Variants in PRKG1 observed in about 807,000 individuals in gnomAD.
PRKG1 encodes the protein cGMP-dependent protein kinase 1.
A neutral mutation model predicts 88.1 loss-of-function variants in PRKG1; 35 were observed. The observed-to-expected ratio is 0.40, with a 90% CI of 0.30 to 0.53. The LOEUF (loss-of-function observed/expected upper bound fraction) is 0.53, where lower values mean the gene tolerates loss of function less well. PRKG1 is among the 20% of genes least tolerant of loss of function. The pLI is 0.59. For missense variants in PRKG1, 540 were observed against 839.8 expected (o/e 0.64, Z 4.41); for synonymous variants, 303 against 292.5 (o/e 1.04, Z -0.37).
At chr10:52,034,517 T>C (rs1845555186) in intron 5 of PRKG1, among the ~76,000 whole-genome samples, 1 of 151,850 alleles carries the variant, frequency 6.6e-6, no homozygotes, top group Non-Finnish European at 1.5e-5. Flanking sequence ...GAAAAACAGG[T>C]ATAAAAGGTC....
At chr10:51,347,318 A>G (rs1260280402) in intron 2 of PRKG1, among the ~76,000 whole-genome samples, 3 of 152,214 alleles carry the variant, frequency 2.0e-5, no homozygotes, top group Admixed American at 6.5e-5. Context: ...TCTGAATACA[A>G]TTAGCATTCT....
chr10:51,766,852 T>C (rs1564638627), intron 3 of PRKG1, among the ~76,000 whole-genome samples: 1 of 152,052 alleles, frequency 6.6e-6, no homozygotes, highest in South Asian at 2.1e-4. Context: ...CACCACATAG[T>C]TTTTTACTTT....
chr10:51,840,885 A>G (rs1307306424), intron 4 of PRKG1, among the ~76,000 whole-genome samples: 2 of 152,188 alleles, frequency 1.3e-5, no homozygotes, highest in African/African-American at 2.4e-5. Flanking sequence ...TACAATGAAG[A>G]GTCTATAACA....
chr10:51,614,461 G>T lies in PRKG1; in HGVS notation c.592+146625G>T, dbSNP rs1008877751. On this transcript the variant is annotated intron_variant, in intron 3 of 17. Coordinates refer to ENST00000373980, the MANE Select transcript of PRKG1 (RefSeq NM_006258.4). ...AAATTAGCACAGGGTCAGTATTCAAGGATCATTTTTTTAAATGTATTCCGC... is the reference window on the plus strand; with the variant it reads ...AAATTAGCACAGGGTCAGTATTCAATGATCATTTTTTTAAATGTATTCCGC... Among the ~76,000 whole-genome samples, 4 of 151,726 alleles carry T rather than the reference G, an allele frequency of 2.6e-5. No individual in the cohort carries two copies. The East Asian group carries it at 7.7e-4, about 29-fold the overall frequency.
At chr10:51,931,055 G>C (rs558811853) in intron 5 of PRKG1, among the ~76,000 whole-genome samples, 2 of 152,234 alleles carry the variant, frequency 1.3e-5, no homozygotes, top group South Asian at 4.1e-4. Context: ...CTACTCCTCT[G>C]TAACATCGTA....
intron 3 of PRKG1, among the ~76,000 whole-genome samples, chr10:51,722,762 A>G (rs564597843): frequency 1.3e-5 from 2 of 152,248 alleles, no homozygotes; most frequent in Non-Finnish European, 2.9e-5. Flanking sequence ...TTAGAATTCT[A>G]TCTACATTTT....
At chr10:51,914,387 G>C (rs563674532) in intron 5 of PRKG1, among the ~76,000 whole-genome samples, 1 of 152,094 alleles carries the variant, frequency 6.6e-6, no homozygotes, top group African/African-American at 2.4e-5. Flanking sequence ...ATTCACAAAT[G>C]GGGGAGTAAA....
intron 2 of PRKG1, among the ~76,000 whole-genome samples, chr10:51,382,389 A>G (rs1167762556): frequency 6.6e-6 from 1 of 152,172 alleles, no homozygotes; most frequent in East Asian, 1.9e-4. Flanking sequence ...CCCATCTGTG[A>G]TTAAGTAAGG....
chr10:52,120,250 G>A (rs1049246236), intron 7 of PRKG1, among the ~76,000 whole-genome samples: 7 of 152,134 alleles, frequency 4.6e-5, no homozygotes, highest in Admixed American at 6.5e-5. Context: ...TGGAGATTAA[G>A]CTGCCAACAC....
At chr10:51,806,159 C>A (rs1181403077) in intron 4 of PRKG1, among the ~76,000 whole-genome samples, 2 of 152,112 alleles carry the variant, frequency 1.3e-5, no homozygotes, top group Non-Finnish European at 2.9e-5. Context: ...TCTAGTGCAG[C>A]TCTGATAAAG....
intron 2 of PRKG1, among the ~76,000 whole-genome samples, chr10:51,351,365 A>G (rs1336308994): frequency 6.6e-6 from 1 of 152,176 alleles, no homozygotes; most frequent in Non-Finnish European, 1.5e-5. Flanking sequence ...ACTAATTTAC[A>G]TTCTCACCAA....
intron 5 of PRKG1, among the ~76,000 whole-genome samples, chr10:51,914,695 C>G (rs1842299546): frequency 6.6e-6 from 1 of 152,142 alleles, no homozygotes; most frequent in Admixed American, 6.5e-5. Flanking sequence ...TTTTTAAGAA[C>G]TCTCTACCTT....
intron 3 of PRKG1, among the ~76,000 whole-genome samples, chr10:51,628,803 C>CA (rs1589144027): frequency 6.6e-6 from 1 of 151,292 alleles, no homozygotes; most frequent in East Asian, 2.0e-4. Flanking sequence ...ACTAAAAATA[C>CA]AAAAAATTAG....
chr10:51,534,222 G>T (rs954942597), intron 3 of PRKG1, among the ~76,000 whole-genome samples: 3 of 152,126 alleles, frequency 2.0e-5, no homozygotes, highest in Non-Finnish European at 4.4e-5. Flanking sequence ...GTTCATTAAT[G>T]TATATGAACA....
intron 2 of PRKG1, among the ~76,000 whole-genome samples, chr10:51,265,749 T>G (rs969214846): frequency 3.3e-5 from 5 of 152,160 alleles, no homozygotes; most frequent in Non-Finnish European, 7.4e-5. Context: ...AGAGGTTACT[T>G]CTGGTTGAGA....
chr10:51,843,986 G>C (rs1840341074), intron 4 of PRKG1, among the ~76,000 whole-genome samples: 1 of 152,062 alleles, frequency 6.6e-6, no homozygotes, highest in Non-Finnish European at 1.5e-5. Flanking sequence ...ATTATCAGGA[G>C]TATACATAGT....
chr10:52,087,407 A>C (rs1846944037), intron 7 of PRKG1, among the ~76,000 whole-genome samples: 1 of 152,122 alleles, frequency 6.6e-6, no homozygotes, highest in African/African-American at 2.4e-5. Flanking sequence ...TCTATTAGAA[A>C]ATTTATCTTT....
chr10:51,581,660 A>G (rs1437299453), intron 3 of PRKG1, among the ~76,000 whole-genome samples: 4 of 152,096 alleles, frequency 2.6e-5, no homozygotes, highest in Non-Finnish European at 5.9e-5. Context: ...TGGCAGTCCA[A>G]CCTGGCATTG....
intron 1 of PRKG1, among the ~76,000 whole-genome samples, chr10:51,016,729 C>G (rs1204989857): frequency 1.8e-4 from 17 of 94,604 alleles, no homozygotes; most frequent in African/African-American, 7.5e-4. Flanking sequence ...AGTGCAGTGG[C>G]GCGATCTCGG....
Sources: gnomAD v4.1 joint callset for allele counts (sites outside exome capture counted in the v4.1 genomes callset) on GRCh38, gnomAD v4.1.1 for gene constraint, MANE v1.5 for transcripts, NCBI Gene and HGNC (gene_info 2026-07-23, HGNC 2026-07-21) for gene names.